AUTS2: variants seen among roughly 807,000 people sequenced by gnomAD.
AUTS2 encodes activator of transcription and developmental regulator AUTS2, also known as autism susceptibility gene 2 protein.
In AUTS2, 17 loss-of-function variants were observed where a neutral mutation model predicts 112.4. The ratio of observed to expected loss-of-function variants is 0.15; its 90% CI spans 0.10 to 0.23. The LOEUF is 0.23. Among genes scored for constraint, AUTS2 ranks in the 10% least tolerant of loss-of-function variants. The pLI is 1.00. For synonymous variants in AUTS2, 751 were observed against 702.7 expected (o/e 1.07, Z -1.09); for missense variants, 1,510 against 1,701.6 (o/e 0.89, Z 1.98).
Position 70,239,185 on chromosome 7 carries a change from A to G in AUTS2, c.660+104614A>G, listed in dbSNP as rs149177515. Among the ~76,000 whole-genome samples, 17 of 152,236 alleles carry G rather than the reference A, an allele frequency of 1.1e-4. 1 individual carries two copies. In the East Asian group the frequency reaches 2.5e-3, roughly 22 times the overall value. On this transcript the variant is annotated intron_variant, in intron 4 of 18. Coordinates refer to ENST00000342771, the MANE Select transcript of AUTS2 (RefSeq NM_015570.4). Reference sequence around the variant, plus strand: ...TACAAAATTTACAAAAATGTTTTACAAACCCTCTGCCTCCCCAGTATCTTC... The same window carrying G: ...TACAAAATTTACAAAAATGTTTTACGAACCCTCTGCCTCCCCAGTATCTTC...
intron 5 of AUTS2, among the ~76,000 whole-genome samples, chr7:70,553,402 T>TG (rs1297405350): frequency 6.6e-6 from 1 of 152,168 alleles, no homozygotes; most frequent in African/African-American, 2.4e-5. Context: ...CTTGGGCACC[T>TG]GGAAGGACAA....
At chr7:70,241,427 A>G (rs1410211213) in intron 4 of AUTS2, among the ~76,000 whole-genome samples, 3 of 152,220 alleles carry the variant, frequency 2.0e-5, no homozygotes, top group Non-Finnish European at 4.4e-5. Context: ...CTGTAGCTAT[A>G]TATAAATGTT....
At chr7:70,701,986 T>C (rs1467831519) in intron 6 of AUTS2, among the ~76,000 whole-genome samples, 1 of 152,236 alleles carries the variant, frequency 6.6e-6, no homozygotes, top group Non-Finnish European at 1.5e-5. Context: ...GTATTTATTC[T>C]ATAAAGGAAC....
At chr7:70,522,584 G>A (rs1227536720) in intron 5 of AUTS2, among the ~76,000 whole-genome samples, 6 of 152,124 alleles carry the variant, frequency 3.9e-5, no homozygotes, top group Admixed American at 2.6e-4. Flanking sequence ...TATTAATTTG[G>A]TTAGGCTAAT....
At chr7:70,107,904 C>G (rs1293635107) in intron 2 of AUTS2, among the ~76,000 whole-genome samples, 2 of 150,964 alleles carry the variant, frequency 1.3e-5, no homozygotes, top group African/African-American at 4.9e-5. Context: ...CCAGCTACCC[C>G]GGAGGCTGAG....
intron 2 of AUTS2, among the ~76,000 whole-genome samples, chr7:70,026,357 G>A (rs1800524433): frequency 6.6e-6 from 1 of 152,190 alleles, no homozygotes; most frequent in South Asian, 2.1e-4. Flanking sequence ...CTTTGAAGTG[G>A]AATTGGGCAG....
chr7:69,876,360 ATATATATATATATATATATATATG>A (rs1352638440), intron 1 of AUTS2, among the ~76,000 whole-genome samples: 1 of 105,218 alleles, frequency 9.5e-6, no homozygotes, highest in Non-Finnish European at 1.9e-5. Context: ...ATATATATAT[ATATATATATATATATATATATATG>A]TATATATAAT....
intron 5 of AUTS2, among the ~76,000 whole-genome samples, chr7:70,547,090 C>T (rs1163624312): frequency 6.6e-6 from 1 of 152,134 alleles, no homozygotes; most frequent in Non-Finnish European, 1.5e-5. Context: ...TAACTATTGC[C>T]ACAATTCAAT....
At chr7:69,695,391 A>G (rs886081830) in intron 1 of AUTS2, among the ~76,000 whole-genome samples, 1 of 152,230 alleles carries the variant, frequency 6.6e-6, no homozygotes, top group Non-Finnish European at 1.5e-5. Flanking sequence ...AGGGAATATA[A>G]TATTTTCAGG....
chr7:69,765,218 C>T lies in AUTS2; in HGVS notation c.310-134068C>T, dbSNP rs140428254. On this transcript the variant is annotated intron_variant, in intron 1 of 18. Coordinates refer to ENST00000342771, the MANE Select transcript of AUTS2 (RefSeq NM_015570.4). ...TCCACTTCTTCTTTGGCACATAGCT[C>T]ATGTTCTACTTAACTGTACTAAATT... Among the ~76,000 whole-genome samples, 10 of 152,268 alleles carry T rather than the reference C, an allele frequency of 6.6e-5. No homozygotes were observed. The East Asian group carries it at 1.9e-3, about 29-fold the overall frequency.
At chr7:70,472,872 G>A (rs528420739) in intron 5 of AUTS2, among the ~76,000 whole-genome samples, 1 of 152,324 alleles carries the variant, frequency 6.6e-6, no homozygotes, top group East Asian at 1.9e-4. Flanking sequence ...TACCATCCTT[G>A]TGGAGCTCAG....
In AUTS2 at chr7:70,276,689, A is replaced by T. The variant is rs559040660; in HGVS notation, c.660+142118A>T. On this transcript the variant is annotated intron_variant, in intron 4 of 18. Transcript: ENST00000342771. ...CCACTGTGCCTGGCCCAATTTTGTG[A>T]CCATTTCATATAATATTATAAGTAT... 4.3e-4 allele frequency among the ~76,000 whole-genome samples: 66 copies of T among 152,138 alleles called. 2 individuals are homozygous for T. The highest frequency in any genetic ancestry group is 6.9e-4 in the Non-Finnish European group (47 of 67,980).
chr7:70,458,476 C>T (rs1342248050), intron 5 of AUTS2, among the ~76,000 whole-genome samples: 1 of 152,184 alleles, frequency 6.6e-6, no homozygotes, highest in Non-Finnish European at 1.5e-5. Flanking sequence ...GAAATCTTTT[C>T]TAAAGCTGAC....
intron 4 of AUTS2, among the ~76,000 whole-genome samples, chr7:70,419,035 A>G (rs969642770): frequency 2.0e-5 from 3 of 152,210 alleles, no homozygotes; most frequent in African/African-American, 7.2e-5. Context: ...TGATTAAAAA[A>G]AGAAATTGAA....
chr7:70,292,100 C>A (rs1009300215), intron 4 of AUTS2: 1 of 152,128 alleles, frequency 6.6e-6, no homozygotes, highest in Non-Finnish European at 1.5e-5. Flanking sequence ...CTTTGGATAT[C>A]CCCCAGTTAA....
intron 1 of AUTS2, among the ~76,000 whole-genome samples, chr7:69,839,683 T>C (rs1791886959): frequency 6.6e-6 from 1 of 152,058 alleles, no homozygotes; most frequent in Non-Finnish European, 1.5e-5. Flanking sequence ...AGTAGAGTAG[T>C]AGGAGTGGGG....
At chr7:69,821,350 A>G (rs974263843) in intron 1 of AUTS2, among the ~76,000 whole-genome samples, 9 of 152,146 alleles carry the variant, frequency 5.9e-5, no homozygotes, top group South Asian at 2.1e-4. Flanking sequence ...AAATGCACCA[A>G]TCAGCACTCT....
intron 2 of AUTS2, among the ~76,000 whole-genome samples, chr7:70,009,589 C>A (rs1229424926): frequency 6.6e-6 from 1 of 152,308 alleles, no homozygotes; most frequent in Middle Eastern, 3.4e-3. Context: ...TGGTTTTATG[C>A]ACCTACTAAG....
At chr7:70,423,970 T>A (rs559799529) in intron 4 of AUTS2, among the ~76,000 whole-genome samples, 1 of 152,248 alleles carries the variant, frequency 6.6e-6, no homozygotes, top group Non-Finnish European at 1.5e-5. Context: ...ATATAACATA[T>A]CTTTCATGGA....
Sources: gnomAD v4.1 joint callset for allele counts (sites outside exome capture counted in the v4.1 genomes callset) on GRCh38, gnomAD v4.1.1 for gene constraint, MANE v1.5 for transcripts, NCBI Gene and HGNC (gene_info 2026-07-23, HGNC 2026-07-21) for gene names.